TNS1: variants seen among roughly 807,000 people sequenced by gnomAD.
TNS1 encodes tensin-1.
A neutral mutation model predicts 168.6 loss-of-function variants in TNS1; 62 were observed. The ratio of observed to expected loss-of-function variants is 0.37; its 90% CI spans 0.30 to 0.45. The LOEUF (loss-of-function observed/expected upper bound fraction) is 0.45, where lower values mean the gene tolerates loss of function less well. Ranked by LOEUF, TNS1 falls within the 20% of genes least tolerant of loss-of-function variation. The pLI is 1.00. For synonymous variants in TNS1, 934 were observed against 933.2 expected (o/e 1.00, Z -0.02); for missense variants, 2,240 against 2,339.4 (o/e 0.96, Z 0.88).
chr2:217,978,965 G>A, intron 2 of TNS1, 163 bp from the exon 3 acceptor site: 1 of 616,602 alleles, frequency 1.6e-6, no homozygotes, highest in Non-Finnish European at 3.0e-6. Flanking sequence ...GGACGGAGGG[G>A]AGCGGCTGCC....
At chr2:217,893,369 G>A in intron 10 of TNS1, 70 bp downstream of exon 10, 2 of 1,508,880 alleles carry the variant, frequency 1.3e-6, no homozygotes, top group Non-Finnish European at 1.8e-6. Flanking sequence ...GACACATTCA[G>A]GCACACACAC....
At chr2:217,839,704 T>A (rs1200195690) in intron 19 of TNS1, among the ~76,000 whole-genome samples, 1 of 152,148 alleles carries the variant, frequency 6.6e-6, no homozygotes, top group Non-Finnish European at 1.5e-5. Context: ...TCAGGCTTCA[T>A]GATGTGCCTC....
At chr2:217,905,779 G>T (rs1953606596) in intron 6 of TNS1, among the ~76,000 whole-genome samples, 1 of 152,212 alleles carries the variant, frequency 6.6e-6, no homozygotes, top group Non-Finnish European at 1.5e-5. Context: ...CCTTCTGTGG[G>T]ATCCTTCCAT....
chr2:218,005,987 C>T (rs1183242292), upstream of TNS1, among the ~76,000 whole-genome samples: 2 of 152,188 alleles, frequency 1.3e-5, no homozygotes, highest in African/African-American at 4.8e-5. Context: ...CCCTGTCTCA[C>T]ACACAGCAGA....
rs918949 is a variant in TNS1, at chr2:217,809,974, C to G, written c.5122G>C (p.Val1708Leu). Reference protein sequence around the residue: ...KQGAACNVLFVNSVDMESLTG... With the variant: ...KQGAACNVLFLNSVDMESLTG... ...AGTGACTCCATGTCCACAGAGTTGACGAAGAGCACATTGCAGGCTGGAAGA... is the reference window on the plus strand; with the variant it reads ...AGTGACTCCATGTCCACAGAGTTGAGGAAGAGCACATTGCAGGCTGGAAGA... The change falls in exon 30 of 33, where the codon GTC becomes CTC. Residue 1708 changes from valine to leucine, a missense_variant. Around this residue, in one of 2 missense-constraint regions of TNS1, gnomAD observed 2,131 missense variants for 2,171.2 expected, o/e 0.98. Coordinates refer to ENST00000682258, the MANE Select transcript of TNS1 (RefSeq NM_001387777.1). 1.4e-5 allele frequency: 22 copies of G among 1,613,420 alleles called. No homozygotes were observed. Among genetic ancestry groups the G allele is most frequent in the Non-Finnish European group, 1.2e-5 (14 of 1,179,668 alleles).
chr2:217,835,170 T>C lies in TNS1; in HGVS notation c.3205-4A>G, dbSNP rs1236767187. The stretch of plus-strand genomic sequence containing the variant: ...CCTTGTAGCTGTGCAAATGGGGCTG[T>C]GGGAGAACACAGGGGAGAAAAAGAG... On this transcript the variant is annotated splice_region_variant and splice_polypyrimidine_tract_variant and intron_variant, in intron 20 of 32. Transcript: ENST00000682258. 2 of 1,602,572 alleles carry C rather than the reference T, an allele frequency of 1.2e-6. No homozygotes were observed. Among genetic ancestry groups the C allele is most frequent in the Non-Finnish European group, 1.7e-6 (2 of 1,175,576 alleles).
chr2:218,026,937 T>A (rs944340666), intron 1 of TNS1, among the ~76,000 whole-genome samples: 2 of 152,176 alleles, frequency 1.3e-5, no homozygotes, highest in African/African-American at 4.8e-5. Flanking sequence ...CGAGGTGAGC[T>A]CTTGGCTCAG....
At chr2:217,920,323 C>A in intron 3 of TNS1, 87 bp from the exon 4 acceptor site, 1 of 698,828 alleles carries the variant, frequency 1.4e-6, no homozygotes, top group South Asian at 1.5e-5. Flanking sequence ...ACACCTCCCC[C>A]TGCTTCATTC....
chr2:217,919,187 A>G (rs755985130), intron 4 of TNS1, among the ~76,000 whole-genome samples: 21 of 152,192 alleles, frequency 1.4e-4, no homozygotes, highest in Non-Finnish European at 2.9e-4. Flanking sequence ...ACAGGATGGG[A>G]CCAGCCCCTT....
chr2:217,900,072 C>T (rs1425734827), intron 7 of TNS1, among the ~76,000 whole-genome samples: 2 of 152,132 alleles, frequency 1.3e-5, no homozygotes, highest in African/African-American at 4.8e-5. Context: ...GGAAGAGATC[C>T]AGCACAGGCC....
chr2:218,019,538 G>C (rs756860091), intron 1 of TNS1, among the ~76,000 whole-genome samples: 2 of 152,204 alleles, frequency 1.3e-5, no homozygotes, highest in Non-Finnish European at 2.9e-5. Context: ...GAGGACTCAC[G>C]GGGCCTCTTT....
At position 217,848,050 on chromosome 2, in the gene TNS1, G is replaced by T. The variant is rs1946912973; in HGVS notation, c.2467C>A (p.Arg823=). ...TPIPSLPEFP[R]AASQQEIEQS... is the part of the protein sequence containing the mutation. ...TCAATCTCCTGCTGGGAGGCTGCTC[G>T]CGGGAACTCAGGGAGACTGGGGATG... The change falls in exon 19 of 33, where the codon CGA becomes AGA. Residue 823 remains arginine (R), a synonymous_variant. Transcript: ENST00000682258. 2.0e-6 allele frequency: 3 copies of T among 1,528,942 alleles called. No homozygotes were observed. Among genetic ancestry groups the T allele is most frequent in the Middle Eastern group, 1.8e-4 (1 of 5,642 alleles). 94.7% of individuals were successfully genotyped at this position (1,528,942 alleles called of 1,614,324 possible). A position where few individuals can be genotyped will look rare whatever the true frequency, so the allele number is the denominator to read the frequency against.
intron 32 of TNS1, among the ~76,000 whole-genome samples, chr2:217,805,235 T>C (rs1022110513): frequency 6.7e-6 from 1 of 148,894 alleles, no homozygotes; most frequent in African/African-American, 2.5e-5. Context: ...GTTAAAAATA[T>C]GAGGGCAGAG....
chr2:217,901,719 C>CACCAG (rs1953002766), intron 6 of TNS1: 1 of 152,194 alleles, frequency 6.6e-6, no homozygotes, highest in Admixed American at 6.5e-5. Flanking sequence ...CCCTCAAGTC[C>CACCAG]CTGGGAAGTT....
intron 3 of TNS1, among the ~76,000 whole-genome samples, chr2:217,956,576 G>A (rs1355923593): frequency 1.3e-5 from 2 of 152,176 alleles, no homozygotes; most frequent in African/African-American, 4.8e-5. Flanking sequence ...CCTCGCTTCA[G>A]TCTCTTTCTC....
chr2:217,852,871 A>G (rs1947687471), intron 18 of TNS1, among the ~76,000 whole-genome samples: 1 of 152,178 alleles, frequency 6.6e-6, no homozygotes, highest in Non-Finnish European at 1.5e-5. Context: ...TCTTGGCCCC[A>G]GATTGCACCC....
chr2:217,898,222 G>A (rs1952530002), intron 7 of TNS1, among the ~76,000 whole-genome samples: 1 of 152,238 alleles, frequency 6.6e-6, no homozygotes, highest in South Asian at 2.1e-4. Context: ...AAACTGTGAT[G>A]ACACCAATTC....
At chr2:217,827,740 G>A (rs2125248726) in intron 22 of TNS1, among the ~76,000 whole-genome samples, 1 of 152,358 alleles carries the variant, frequency 6.6e-6, no homozygotes, top group South Asian at 2.1e-4. Context: ...GGGTGTGGCT[G>A]AGTTAACCCC....
intron 18 of TNS1, among the ~76,000 whole-genome samples, chr2:217,862,297 T>C (rs1006257583): frequency 1.3e-5 from 2 of 152,224 alleles, no homozygotes; most frequent in Non-Finnish European, 2.9e-5. Context: ...CAATTTTTTT[T>C]CTTAAAACAA....
Sources: gnomAD v4.1 joint callset for allele counts (sites outside exome capture counted in the v4.1 genomes callset) on GRCh38, gnomAD v4.1.1 for gene constraint, gnomAD v4.1.1 regional missense constraint, MANE v1.5 for transcripts, NCBI Gene and HGNC (gene_info 2026-07-23, HGNC 2026-07-21) for gene names.